The following DNAH7 variants were observed in gnomAD, a reference collection of about 807,000 sequenced individuals.
DNAH7 encodes the protein dynein axonemal heavy chain 7.
DNAH7 carries 397 observed loss-of-function variants against 444.6 expected under a neutral mutation model. That is an observed-to-expected ratio of 0.89 (90% CI 0.82 to 0.97). The LOEUF (loss-of-function observed/expected upper bound fraction) is 0.97. Ranked by LOEUF, DNAH7 falls within the 50% of genes least tolerant of loss-of-function variation. The probability of loss-of-function intolerance (pLI) is 0.00; values close to 1 mark genes in which losing one functional copy is unlikely to be tolerated. For missense variants in DNAH7, 4,902 were observed against 4,800.8 expected (o/e 1.02, Z -0.62); for synonymous variants, 1,636 against 1,624.4 (o/e 1.01, Z -0.17).
intron 63 of DNAH7, among the ~76,000 whole-genome samples, chr2:195,745,406 A>G (rs1199373279): frequency 1.3e-5 from 2 of 152,260 alleles, no homozygotes; most frequent in Non-Finnish European, 2.9e-5. Context: ...GACGAGGAGA[A>G]TGGAACCAAG....
chr2:195,746,042 GAC>G (rs1427161461), intron 63 of DNAH7, among the ~76,000 whole-genome samples: 1 of 152,154 alleles, frequency 6.6e-6, no homozygotes, highest in Non-Finnish European at 1.5e-5. Context: ...CCAATTAAAA[GAC>G]ACAGACTGGC....
At chr2:195,941,800 T>G (rs1689469758) in intron 19 of DNAH7, among the ~76,000 whole-genome samples, 1 of 152,134 alleles carries the variant, frequency 6.6e-6, no homozygotes, top group Admixed American at 6.6e-5. Context: ...AGTCCTTGAC[T>G]TCATCAGGAG....
At chr2:195,997,267 C>T (rs1385423111) in intron 12 of DNAH7, among the ~76,000 whole-genome samples, 5 of 152,150 alleles carry the variant, frequency 3.3e-5, no homozygotes, top group Non-Finnish European at 5.9e-5. Flanking sequence ...AATCCCAGCA[C>T]TTTGGGAGGC....
At chr2:195,919,236 TAAA>T (rs759816585) in intron 24 of DNAH7, among the ~76,000 whole-genome samples, 8 of 139,578 alleles carry the variant, frequency 5.7e-5, no homozygotes, top group African/African-American at 1.3e-4. Flanking sequence ...AGACTTTGTT[TAAA>T]AAAAAAAAAA....
chr2:195,757,509 G>T (rs187960690), intron 61 of DNAH7, among the ~76,000 whole-genome samples: 201 of 152,322 alleles, frequency 1.3e-3, no homozygotes, highest in African/African-American at 4.5e-3. Context: ...ATAGGGAAAA[G>T]ATTTGGGAGT....
chr2:195,894,843 C>T (rs1216432109), intron 30 of DNAH7, 133 bp downstream of exon 30: 2 of 942,728 alleles, frequency 2.1e-6, no homozygotes, highest in Non-Finnish European at 2.9e-6. Flanking sequence ...TTTTCTAAAA[C>T]TTTATTTTCT....
intron 19 of DNAH7, among the ~76,000 whole-genome samples, chr2:195,937,309 A>T (rs1157537311): frequency 1.3e-5 from 2 of 152,130 alleles, no homozygotes; most frequent in Non-Finnish European, 2.9e-5. Flanking sequence ...CATTGTAAAC[A>T]ATGACCCTTG....
At chr2:195,830,815 T>C (rs541419577) in intron 48 of DNAH7, among the ~76,000 whole-genome samples, 1 of 152,330 alleles carries the variant, frequency 6.6e-6, no homozygotes, top group Non-Finnish European at 1.5e-5. Context: ...ATTTTGTCTG[T>C]AATCTCTTTC....
intron 63 of DNAH7, among the ~76,000 whole-genome samples, chr2:195,744,933 T>TA (rs897473126): frequency 1.4e-4 from 21 of 152,294 alleles, no homozygotes; most frequent in African/African-American, 4.3e-4. Context: ...CTGGAAACTT[T>TA]AAAAAGCAGA....
intron 63 of DNAH7, among the ~76,000 whole-genome samples, chr2:195,742,289 A>G (rs931610542): frequency 6.6e-6 from 1 of 152,168 alleles, no homozygotes; most frequent in Admixed American, 6.5e-5. Flanking sequence ...ATAGTATGGA[A>G]TACAATGGAA....
chr2:195,869,798 T>C (rs1016245902), intron 40 of DNAH7, among the ~76,000 whole-genome samples: 1 of 152,124 alleles, frequency 6.6e-6, no homozygotes, highest in Non-Finnish European at 1.5e-5. Context: ...CACTGGACTT[T>C]TATCCGAAAT....
At chr2:196,008,369 G>A (rs1694513388) in intron 10 of DNAH7, among the ~76,000 whole-genome samples, 1 of 152,164 alleles carries the variant, frequency 6.6e-6, no homozygotes. Flanking sequence ...TTGGAAAACA[G>A]TGCGAGTGTT....
chr2:195,956,093 C>G (rs1006285615), intron 19 of DNAH7, among the ~76,000 whole-genome samples: 2 of 152,122 alleles, frequency 1.3e-5, no homozygotes, highest in African/African-American at 4.8e-5. Flanking sequence ...GAATATTTTC[C>G]TATCAGATCA....
At chr2:196,005,839 CA>C (rs934796657) in intron 10 of DNAH7, among the ~76,000 whole-genome samples, 4 of 151,484 alleles carry the variant, frequency 2.6e-5, no homozygotes, top group Non-Finnish European at 5.9e-5. Context: ...ATTCACTAAC[CA>C]AAAAGGAAAA....
intron 10 of DNAH7, among the ~76,000 whole-genome samples, chr2:196,004,308 C>T (rs1694225850): frequency 6.6e-6 from 1 of 151,716 alleles, no homozygotes; most frequent in African/African-American, 2.4e-5. Context: ...GCTAAGAGGG[C>T]CAGCCAAGGG....
chr2:195,742,927 G>A (rs1693131439), intron 63 of DNAH7, among the ~76,000 whole-genome samples: 1 of 152,164 alleles, frequency 6.6e-6, no homozygotes, highest in African/African-American at 2.4e-5. Flanking sequence ...TGTCTAAGAG[G>A]GTGTTGCCAA....
At chr2:196,012,173 T>C (rs1694760942) in intron 10 of DNAH7, among the ~76,000 whole-genome samples, 1 of 152,134 alleles carries the variant, frequency 6.6e-6, no homozygotes, top group Admixed American at 6.6e-5. Flanking sequence ...GACTGAATTT[T>C]AATGTCCTGT....
At chr2:195,986,518 C>T (rs113416174) in intron 14 of DNAH7, among the ~76,000 whole-genome samples, 181 of 152,270 alleles carry the variant, frequency 1.2e-3, no homozygotes, top group African/African-American at 4.3e-3. Flanking sequence ...TGTTGGAAGA[C>T]TAGTTCTTCT....
At chr2:195,831,142 A>G (rs1698048009) in intron 48 of DNAH7, among the ~76,000 whole-genome samples, 7 of 152,224 alleles carry the variant, frequency 4.6e-5, no homozygotes, top group Admixed American at 4.6e-4. Context: ...AGTCATTAAA[A>G]TATCTTCTCT....
Sources: allele counts gnomAD v4.1 joint callset (sites outside exome capture counted in the v4.1 genomes callset), GRCh38; gene constraint gnomAD v4.1.1; transcripts MANE v1.5; gene names NCBI Gene and HGNC (gene_info 2026-07-23, HGNC 2026-07-21).